The following CDH4 variants were observed in gnomAD, a reference collection of about 807,000 sequenced individuals.
CDH4 encodes the protein cadherin 4.
In CDH4, 33 loss-of-function variants were observed where a neutral mutation model predicts 86.0. The observed-to-expected ratio is 0.38, with a 90% CI of 0.29 to 0.51. CDH4 has a LOEUF of 0.51. Ranked by LOEUF, CDH4 falls within the 20% of genes least tolerant of loss-of-function variation. The probability of loss-of-function intolerance (pLI) is 0.86; values close to 1 mark genes in which losing one functional copy is unlikely to be tolerated. For synonymous variants in CDH4, 555 were observed against 549.4 expected (o/e 1.01, Z -0.14); for missense variants, 1,114 against 1,307.4 (o/e 0.85, Z 2.28).
intron 2 of CDH4, among the ~76,000 whole-genome samples, chr20:61,595,382 C>T (rs971034006): frequency 8.5e-5 from 13 of 152,318 alleles, no homozygotes; most frequent in African/African-American, 1.9e-4. Flanking sequence ...GGAGTGTGCC[C>T]GTCAGGGCTG....
Position 61,873,828 on chromosome 20 carries a change from G to A in CDH4, c.978G>A (p.Pro326=), listed in dbSNP as rs140074164. The A allele has an allele frequency of 1.1e-4, 175 of 1,614,122 alleles. No homozygotes were observed. Among genetic ancestry groups the A allele is most frequent in the Middle Eastern group, 9.9e-4 (6 of 6,062 alleles). Residue 326 remains proline (P), a synonymous_variant, in exon 7 of 16, where the codon CCG becomes CCA. Transcript: ENST00000614565. The stretch of plus-strand genomic sequence containing the variant: ...TCGTGACCCAGACCCCACAGAGCCC[G>A]TCCCAGAATATGTTCACCATCAACA... The part of the protein sequence containing the change: ...YRIVTQTPQS[P]SQNMFTINSE...
chr20:61,810,553 C>T lies in CDH4; in HGVS notation c.577-34115C>T, dbSNP rs1023314884. 1.3e-5 allele frequency among the ~76,000 whole-genome samples: 2 copies of T among 152,136 alleles called. No individual in the cohort carries two copies. The highest frequency in any genetic ancestry group is 2.1e-4 in the South Asian group (1 of 4,818). ...GGGAGCCACAGGCACACAGGAAGCC[C>T]GAGAGAGCCCCAGCCCGTGTGCCCG... On this transcript the variant is annotated intron_variant, in intron 4 of 15. Coordinates refer to ENST00000614565, the MANE Select transcript of CDH4 (RefSeq NM_001794.5). This position sits in a 1 kb window ranked among gnomAD's most constrained non-coding sequence, Gnocchi z 4.3.
intron 2 of CDH4, among the ~76,000 whole-genome samples, chr20:61,322,081 G>A (rs2084511857): frequency 6.6e-6 from 1 of 152,114 alleles, no homozygotes; most frequent in South Asian, 2.1e-4. Flanking sequence ...CCCAGGATAC[G>A]AACCCCAGGA....
rs115950540 is a variant in CDH4 at position 61,500,076 on chromosome 20, T to C, written c.170-243487T>C. Among the ~76,000 whole-genome samples the C allele has an allele frequency of 4.0e-3, 608 of 152,308 alleles. 3 individuals are homozygous for C. The highest frequency in any genetic ancestry group is 0.012 in the African/African-American group (510 of 41,572). On this transcript the variant is annotated intron_variant, in intron 2 of 15. Transcript: ENST00000614565. ...CTGGGTGTGAGGGCTGTCACTTCCC[T>C]GTCGGAATCACTGTGGCATCCTCAG...
intron 2 of CDH4, among the ~76,000 whole-genome samples, chr20:61,537,947 C>T (rs1416669305): frequency 2.6e-5 from 4 of 152,226 alleles, no homozygotes; most frequent in Non-Finnish European, 4.4e-5. Flanking sequence ...GAACTACCAC[C>T]GGGTCATGGT....
At chr20:61,853,008 C>T (rs1465718403) in intron 6 of CDH4, 110 bp downstream of exon 6, 10 of 1,185,104 alleles carry the variant, frequency 8.4e-6, no homozygotes, top group African/African-American at 4.6e-5. Context: ...GATGGTGCCA[C>T]GGGACTTGGG....
chr20:61,912,525 G>A (rs916454512), intron 9 of CDH4, among the ~76,000 whole-genome samples: 24 of 152,138 alleles, frequency 1.6e-4, no homozygotes, highest in African/African-American at 4.3e-4. Context: ...ATGAACTTCC[G>A]TATACCCATC....
intron 5 of CDH4, among the ~76,000 whole-genome samples, chr20:61,848,710 T>C (rs543451563): frequency 5.3e-5 from 8 of 152,286 alleles, no homozygotes; most frequent in Non-Finnish European, 1.2e-4. Context: ...GAATTTTTAA[T>C]AGAGACAGGG....
At chr20:61,679,780 G>T (rs369711710) in intron 2 of CDH4, among the ~76,000 whole-genome samples, 39 of 152,318 alleles carry the variant, frequency 2.6e-4, no homozygotes, top group East Asian at 1.5e-3. Context: ...TCAGCAGCCC[G>T]CTGGCCTGCA....
intron 2 of CDH4, among the ~76,000 whole-genome samples, chr20:61,660,828 C>T (rs1844733728): frequency 6.6e-6 from 1 of 152,174 alleles, no homozygotes; most frequent in Admixed American, 6.5e-5. Context: ...GTGGAACACC[C>T]AGCAGGGGTG....
In CDH4 at chr20:61,641,056, C is replaced by T. The variant is rs566068862; in HGVS notation, c.170-102507C>T. 6.6e-5 allele frequency among the ~76,000 whole-genome samples: 10 copies of T among 152,078 alleles called. No individual in the cohort carries two copies. In the East Asian group the frequency reaches 1.4e-3, roughly 21 times the overall value. ...CAGAGGCCCAGGTGGGTCCCTGGGA[C>T]GTGCACCTCCATGTTTTCCCCAGCC... On this transcript the variant is annotated intron_variant, in intron 2 of 15. Transcript: ENST00000614565.
At chr20:61,374,110 C>T (rs2084854270) in intron 2 of CDH4, among the ~76,000 whole-genome samples, 1 of 152,148 alleles carries the variant, frequency 6.6e-6, no homozygotes, top group Admixed American at 6.5e-5. Flanking sequence ...CAAGCACTGT[C>T]ACAGAGCTGG....
At chr20:61,797,960 G>A (rs901979282) in intron 4 of CDH4, among the ~76,000 whole-genome samples, 1 of 152,168 alleles carries the variant, frequency 6.6e-6, no homozygotes, top group African/African-American at 2.4e-5. Context: ...GTGTGCTGGG[G>A]GACAGTGCTT....
At chr20:61,398,404 G>A (rs1186097567) in intron 2 of CDH4, among the ~76,000 whole-genome samples, 1 of 152,234 alleles carries the variant, frequency 6.6e-6, no homozygotes. Flanking sequence ...GCTCCCCAGG[G>A]AAGCAGAATC....
chr20:61,305,412 G>A (rs942090704), intron 2 of CDH4, among the ~76,000 whole-genome samples: 1 of 152,202 alleles, frequency 6.6e-6, no homozygotes, highest in Non-Finnish European at 1.5e-5. Flanking sequence ...ACTCCCGGGG[G>A]AGGTGGGGCC....
intron 2 of CDH4, among the ~76,000 whole-genome samples, chr20:61,489,905 C>T (rs1252398562): frequency 6.6e-6 from 1 of 152,176 alleles, no homozygotes; most frequent in Non-Finnish European, 1.5e-5. Flanking sequence ...AAACATACAG[C>T]TCCTGGGCCC....
At chr20:61,410,339 C>CG (rs1555847236) in intron 2 of CDH4, among the ~76,000 whole-genome samples, 1 of 152,186 alleles carries the variant, frequency 6.6e-6, no homozygotes, top group Non-Finnish European at 1.5e-5. Flanking sequence ...TTCCATCTGT[C>CG]CATCATCTTC....
intron 10 of CDH4, among the ~76,000 whole-genome samples, 166 bp downstream of exon 10, chr20:61,923,870 G>A (rs112285289): frequency 9.7e-4 from 148 of 152,310 alleles, no homozygotes; most frequent in African/African-American, 3.4e-3. Flanking sequence ...CAGCCCCTTA[G>A]TCCCAGATAG....
intron 4 of CDH4, among the ~76,000 whole-genome samples, chr20:61,799,285 G>C (rs6061828): frequency 6.6e-6 from 1 of 152,176 alleles, no homozygotes; most frequent in East Asian, 1.9e-4. Flanking sequence ...TGAGTGTTGA[G>C]TTGGGCGAAA....
Sources: allele counts gnomAD v4.1 joint callset (sites outside exome capture counted in the v4.1 genomes callset), GRCh38; gene constraint gnomAD v4.1.1; non-coding constraint Gnocchi (gnomAD v3.1); transcripts MANE v1.5; gene names NCBI Gene and HGNC (gene_info 2026-07-23, HGNC 2026-07-21).